The following ARL15 variants were observed in gnomAD, a reference collection of about 807,000 sequenced individuals.
The protein encoded by ARL15 is ADP-ribosylation factor-like protein 15.
Under a neutral mutation model 25.2 loss-of-function variants are expected in ARL15, and 19 were observed. The ratio of observed to expected loss-of-function variants is 0.75; its 90% confidence interval spans 0.53 to 1.10. The LOEUF (loss-of-function observed/expected upper bound fraction) is 1.10, where lower values mean the gene tolerates loss of function less well. Among genes scored for constraint, ARL15 ranks in the 50% least tolerant of loss-of-function variants. The pLI is 0.00. For missense variants in ARL15, 220 were observed against 246.0 expected (o/e 0.89, Z 0.71); for synonymous variants, 94 against 86.8 (o/e 1.08, Z -0.46).
At chr5:53,979,342 G>A (rs1748044330) in intron 4 of ARL15, among the ~76,000 whole-genome samples, 1 of 151,998 alleles carries the variant, frequency 6.6e-6, no homozygotes, top group African/African-American at 2.4e-5. Context: ...AGACTAGCCT[G>A]GGCAACATAG....
intron 1 of ARL15, among the ~76,000 whole-genome samples, chr5:54,305,492 A>G (rs1033561044): frequency 6.6e-6 from 1 of 152,110 alleles, no homozygotes; most frequent in Non-Finnish European, 1.5e-5. Flanking sequence ...AAAATCCCCA[A>G]CACGGTACAG....
At chr5:54,198,038 C>A (rs994359514) in intron 1 of ARL15, among the ~76,000 whole-genome samples, 3 of 151,960 alleles carry the variant, frequency 2.0e-5, no homozygotes, top group African/African-American at 7.3e-5. Context: ...GAACCAAAGA[C>A]AAAAACCACA....
chr5:54,066,994 C>T (rs774838061), intron 4 of ARL15, among the ~76,000 whole-genome samples: 27 of 152,210 alleles, frequency 1.8e-4, no homozygotes, highest in African/African-American at 5.1e-4. Context: ...TCACTAAAAA[C>T]GACATCTGAA....
chr5:54,306,965 T>C (rs1305528795), intron 1 of ARL15, among the ~76,000 whole-genome samples: 1 of 152,238 alleles, frequency 6.6e-6, no homozygotes, highest in African/African-American at 2.4e-5. Flanking sequence ...CATTTTAACC[T>C]GACTATTTTC....
At chr5:53,979,117 C>G (rs1442851115) in intron 4 of ARL15, among the ~76,000 whole-genome samples, 1 of 152,170 alleles carries the variant, frequency 6.6e-6, no homozygotes, top group African/African-American at 2.4e-5. Flanking sequence ...CAGAACAGCA[C>G]ATCTAGAAGT....
At chr5:54,053,214 T>C (rs528485486) in intron 4 of ARL15, among the ~76,000 whole-genome samples, 4 of 151,594 alleles carry the variant, frequency 2.6e-5, no homozygotes, top group African/African-American at 9.7e-5. Flanking sequence ...ATGGCAAAAC[T>C]GCATCTCCAA....
intron 4 of ARL15, among the ~76,000 whole-genome samples, chr5:53,916,412 C>A (rs114970815): frequency 0.013 from 1,982 of 148,828 alleles, 43 homozygotes; most frequent in African/African-American, 0.047. Context: ...ATATTTACTA[C>A]CTGGGTGACA....
At chr5:54,194,096 CTTTCTTTAG>C (rs1156235212) in intron 1 of ARL15, among the ~76,000 whole-genome samples, 1 of 152,118 alleles carries the variant, frequency 6.6e-6, no homozygotes, top group Admixed American at 6.5e-5. Flanking sequence ...CCGACTATTA[CTTTCTTTAG>C]TTCCTTCTTA....
chr5:54,163,168 T>C (rs1251549507), intron 2 of ARL15, among the ~76,000 whole-genome samples: 3 of 152,070 alleles, frequency 2.0e-5, no homozygotes, highest in East Asian at 1.9e-4. Flanking sequence ...CATAGTTTCA[T>C]CTTTTGGTTT....
intron 4 of ARL15, among the ~76,000 whole-genome samples, chr5:54,005,750 T>C (rs1405037013): frequency 4.0e-5 from 6 of 151,666 alleles, no homozygotes; most frequent in African/African-American, 1.5e-4. Context: ...TAGTCCCAGC[T>C]ACTCGGGAGG....
chr5:54,098,656 G>C (rs1235106988), intron 4 of ARL15, among the ~76,000 whole-genome samples: 1 of 152,164 alleles, frequency 6.6e-6, no homozygotes, highest in African/African-American at 2.4e-5. Context: ...ACACAGGTCT[G>C]ATTTATTATA....
At chr5:54,127,708 C>G (rs1410088663) in intron 3 of ARL15, among the ~76,000 whole-genome samples, 2 of 151,618 alleles carry the variant, frequency 1.3e-5, no homozygotes, top group East Asian at 1.9e-4. Flanking sequence ...CCCGCATCAC[C>G]AAGTCAATCC....
intron 4 of ARL15, among the ~76,000 whole-genome samples, chr5:54,061,865 C>G (rs952456295): frequency 3.3e-5 from 5 of 152,142 alleles, no homozygotes; most frequent in African/African-American, 7.2e-5. Flanking sequence ...GATCCTCTGA[C>G]AGCTCACACC....
At chr5:54,220,780 T>C (rs1289626048) in intron 1 of ARL15, among the ~76,000 whole-genome samples, 4 of 152,144 alleles carry the variant, frequency 2.6e-5, no homozygotes, top group African/African-American at 9.7e-5. Context: ...TGTTGTATAA[T>C]TTACTGGGAA....
intron 1 of ARL15, among the ~76,000 whole-genome samples, chr5:54,265,263 T>C (rs560564846): frequency 6.6e-5 from 10 of 152,366 alleles, no homozygotes; most frequent in African/African-American, 1.9e-4. Flanking sequence ...CAAAATACTC[T>C]TTCTGGAATG....
At chr5:54,204,331 G>A (rs1755803653) in intron 1 of ARL15, among the ~76,000 whole-genome samples, 1 of 152,092 alleles carries the variant, frequency 6.6e-6, no homozygotes, top group Non-Finnish European at 1.5e-5. Context: ...ATTCCCACAG[G>A]AGACATGCAG....
intron 1 of ARL15, among the ~76,000 whole-genome samples, chr5:54,235,400 A>G (rs1012491983): frequency 6.6e-6 from 1 of 152,258 alleles, no homozygotes; most frequent in African/African-American, 2.4e-5. Context: ...TAGTCACAGA[A>G]TAACGGGTGG....
intron 2 of ARL15, among the ~76,000 whole-genome samples, chr5:54,155,373 C>T (rs546552407): frequency 6.6e-6 from 1 of 152,204 alleles, no homozygotes. Flanking sequence ...ACATATAACT[C>T]AGCAACCCTA....
intron 4 of ARL15, among the ~76,000 whole-genome samples, chr5:54,073,545 T>C (rs763774856): frequency 4.6e-5 from 7 of 151,604 alleles, no homozygotes; most frequent in Non-Finnish European, 8.8e-5. Context: ...CATTTAAAGA[T>C]ATGGCTGGCT....
Sources: gnomAD v4.1 joint callset for allele counts (sites outside exome capture counted in the v4.1 genomes callset) on GRCh38, gnomAD v4.1.1 for gene constraint, MANE v1.5 for transcripts, NCBI Gene and HGNC (gene_info 2026-07-23, HGNC 2026-07-21) for gene names.